BBX: variants seen among roughly 807,000 people sequenced by gnomAD.
BBX encodes the protein BBX high mobility group box domain containing.
Under a neutral mutation model 100.2 loss-of-function variants are expected in BBX, and 30 were observed. The ratio of observed to expected loss-of-function variants is 0.30; its 90% CI spans 0.22 to 0.41. The LOEUF (loss-of-function observed/expected upper bound fraction) is 0.41. Ranked by LOEUF, BBX falls within the 10% of genes least tolerant of loss-of-function variation. BBX has a pLI of 1.00. For synonymous variants in BBX, 376 were observed against 388.1 expected, an observed-to-expected ratio of 0.97 and a Z score of 0.37; for missense variants, 1,023 against 1,129.8, an observed-to-expected ratio of 0.91 and a Z score of 1.35.
At chr3:107,692,202 A>T (rs1459284624) in intron 3 of BBX, among the ~76,000 whole-genome samples, 5 of 145,212 alleles carry the variant, frequency 3.4e-5, no homozygotes, top group Non-Finnish European at 7.5e-5. Context: ...TTATTTATTT[A>T]TTATTATTAT....
intron 3 of BBX, among the ~76,000 whole-genome samples, chr3:107,696,600 A>T (rs1257630649): frequency 6.6e-6 from 1 of 151,830 alleles, no homozygotes; most frequent in African/African-American, 2.4e-5. Flanking sequence ...TTTGAGGGTA[A>T]TCCGAACTTT....
At chr3:107,605,371 T>C in intron 2 of BBX, among the ~76,000 whole-genome samples, 1 of 59,588 alleles carries the variant, frequency 1.7e-5, no homozygotes, top group Admixed American at 2.4e-4. Context: ...ATTCTTCACT[T>C]TCTATTTTTT....
At chr3:107,524,700 C>G (rs947627012) in intron 1 of BBX, 1 of 149,786 alleles carries the variant, frequency 6.7e-6, no homozygotes, top group Non-Finnish European at 1.5e-5. Flanking sequence ...CGTGCATTCC[C>G]CTTCCTTCCC....
chr3:107,643,668 T>G lies in BBX; in HGVS notation c.-83-2168T>G, dbSNP rs1230774843. Among the ~76,000 whole-genome samples, 11 of 151,752 alleles carry G rather than the reference T, an allele frequency of 7.2e-5. 1 individual carries two copies. The highest frequency in any genetic ancestry group is 1.5e-4 in the Non-Finnish European group (10 of 67,928). ...AGGGTTGTGCTCATACTTAGGGCAT[T>G]TCCCCCTGCTGGCCCACCTGCCTTT... On this transcript the variant is annotated intron_variant, in intron 2 of 17. Transcript: ENST00000325805.
chr3:107,656,034 A>C (rs557143708), intron 3 of BBX, among the ~76,000 whole-genome samples: 2 of 152,146 alleles, frequency 1.3e-5, no homozygotes, highest in African/African-American at 2.4e-5. Context: ...CACACTGATA[A>C]CTATATAAAT....
At chr3:107,614,268 C>T (rs970550743) in intron 2 of BBX, among the ~76,000 whole-genome samples, 1 of 152,066 alleles carries the variant, frequency 6.6e-6, no homozygotes, top group African/African-American at 2.4e-5. Context: ...AATTTTTAAA[C>T]AGTGAACTTA....
chr3:107,638,495 T>C (rs1218319825), intron 2 of BBX: 3 of 152,170 alleles, frequency 2.0e-5, no homozygotes, highest in Non-Finnish European at 2.9e-5. Flanking sequence ...TGTGTCTTCC[T>C]TATCAGGAAT....
chr3:107,737,479 G>C (rs988157042), intron 7 of BBX, among the ~76,000 whole-genome samples: 1 of 152,182 alleles, frequency 6.6e-6, no homozygotes, highest in Non-Finnish European at 1.5e-5. Context: ...GTTAGTGTCA[G>C]ATTAGTGGAG....
chr3:107,654,584 A>G (rs751897730), intron 3 of BBX, among the ~76,000 whole-genome samples: 4 of 152,234 alleles, frequency 2.6e-5, no homozygotes, highest in Non-Finnish European at 1.5e-5. Context: ...CAAAATGCTC[A>G]CTATTGATTC....
intron 2 of BBX, among the ~76,000 whole-genome samples, chr3:107,594,442 A>T (rs947085610): frequency 5.9e-5 from 9 of 152,206 alleles, no homozygotes; most frequent in Non-Finnish European, 1.0e-4. Flanking sequence ...GCCTAACTGT[A>T]GACAAGGTTG....
At chr3:107,623,229 TA>T (rs1485696478) in intron 2 of BBX, among the ~76,000 whole-genome samples, 1 of 152,158 alleles carries the variant, frequency 6.6e-6, no homozygotes, top group Non-Finnish European at 1.5e-5. Context: ...AGTGGGATGA[TA>T]AAGAGGATAA....
intron 10 of BBX, among the ~76,000 whole-genome samples, chr3:107,765,321 T>C (rs1164443936): frequency 6.6e-6 from 1 of 152,134 alleles, no homozygotes; most frequent in Non-Finnish European, 1.5e-5. Flanking sequence ...ATTTTATAGA[T>C]TGAAAAACTG....
chr3:107,801,216 T>C lies in BBX; in HGVS notation c.2673T>C (p.Pro891=), dbSNP rs1283077683. 6.2e-7 allele frequency: 1 copy of C among 1,614,226 alleles called. No homozygotes were observed. The highest frequency in any genetic ancestry group is 8.5e-7 in the Non-Finnish European group (1 of 1,180,030). The part of the protein sequence containing the change: ...GETRSSTPEM[P]AVSAFFSLAA... Reference sequence around the variant, plus strand: ...CGCGGAGCAGTACTCCAGAAATGCCTGCCGTGTCTGCGTTCTTTAGCCTCG... The same window carrying C: ...CGCGGAGCAGTACTCCAGAAATGCCCGCCGTGTCTGCGTTCTTTAGCCTCG... Residue 891 remains proline, a synonymous_variant, in exon 17 of 18, where the codon CCT becomes CCC. Transcript: ENST00000325805.
At chr3:107,664,242 A>C (rs915273508) in intron 3 of BBX, among the ~76,000 whole-genome samples, 1 of 152,168 alleles carries the variant, frequency 6.6e-6, no homozygotes, top group Non-Finnish European at 1.5e-5. Context: ...TTGAATTGTT[A>C]GGTGATAGGA....
chr3:107,789,954 C>A, intron 14 of BBX, 78 bp downstream of exon 14: 1 of 1,171,272 alleles, frequency 8.5e-7, no homozygotes, highest in Non-Finnish European at 1.2e-6. Flanking sequence ...TGCTCCCATG[C>A]ACTGCCTTTG....
chr3:107,538,243 G>A (rs1006527876), intron 2 of BBX, among the ~76,000 whole-genome samples: 8 of 152,128 alleles, frequency 5.3e-5, no homozygotes, highest in Non-Finnish European at 7.3e-5. Context: ...CTGCATGAGC[G>A]ATGCAAATTC....
chr3:107,609,549 A>G (rs1248606688), intron 2 of BBX, among the ~76,000 whole-genome samples: 2 of 151,992 alleles, frequency 1.3e-5, no homozygotes, highest in African/African-American at 2.4e-5. Flanking sequence ...CTTTGATCTC[A>G]TTACTTGTTA....
intron 10 of BBX, among the ~76,000 whole-genome samples, chr3:107,769,336 A>G (rs1227833996): frequency 2.6e-5 from 4 of 152,156 alleles, no homozygotes; most frequent in Non-Finnish European, 5.9e-5. Flanking sequence ...TTGTGTTTGC[A>G]TATACATTTC....
chr3:107,707,136 A>C (rs994748028), intron 3 of BBX, among the ~76,000 whole-genome samples: 20 of 152,258 alleles, frequency 1.3e-4, no homozygotes, highest in African/African-American at 4.8e-4. Context: ...CAATTCACTT[A>C]CTGTTTTATT....
Sources: gnomAD v4.1 joint callset for allele counts (sites outside exome capture counted in the v4.1 genomes callset) on GRCh38, gnomAD v4.1.1 for gene constraint, MANE v1.5 for transcripts, NCBI Gene and HGNC (gene_info 2026-07-23, HGNC 2026-07-21) for gene names.